The following HIVEP3 variants were observed in gnomAD, a reference collection of about 807,000 sequenced individuals.
The protein encoded by HIVEP3 is transcription factor HIVEP3.
A neutral mutation model predicts 152.8 loss-of-function variants in HIVEP3; 49 were observed. The observed-to-expected ratio is 0.32, with a 90% CI of 0.26 to 0.41. The LOEUF (loss-of-function observed/expected upper bound fraction) is 0.41, where lower values mean the gene tolerates loss of function less well. HIVEP3 is among the 10% of genes least tolerant of loss of function. The pLI, the probability that HIVEP3 is intolerant of heterozygous loss-of-function variation, is 1.00. For missense variants in HIVEP3, 2,790 were observed against 3,103.3 expected (o/e 0.90, Z 2.40); for synonymous variants, 1,269 against 1,289.0 (o/e 0.98, Z 0.33).
intron 1 of HIVEP3, among the ~76,000 whole-genome samples, chr1:41,803,770 T>C (rs1218330153): frequency 2.0e-5 from 3 of 152,230 alleles, no homozygotes; most frequent in Non-Finnish European, 2.9e-5. Flanking sequence ...GCAATGTTGC[T>C]AAGGACTATG....
At chr1:41,884,495 G>C (rs1231034891) in intron 1 of HIVEP3, among the ~76,000 whole-genome samples, 1 of 152,160 alleles carries the variant, frequency 6.6e-6, no homozygotes, top group African/African-American at 2.4e-5. Flanking sequence ...AGGACGTTGG[G>C]GAATGCGGAC....
At chr1:41,769,403 C>T (rs79130354) in intron 1 of HIVEP3, among the ~76,000 whole-genome samples, 1 of 152,352 alleles carries the variant, frequency 6.6e-6, no homozygotes, top group East Asian at 1.9e-4. Flanking sequence ...GAAGAGCTGG[C>T]TGTTCTCTGC....
At chr1:41,793,206 C>T (rs1424366525) in intron 1 of HIVEP3, among the ~76,000 whole-genome samples, 1 of 152,216 alleles carries the variant, frequency 6.6e-6, no homozygotes, top group East Asian at 1.9e-4. Flanking sequence ...CTTGGAACAT[C>T]CATGCAGTCT....
chr1:41,911,413 A>G (rs543863594), intron 1 of HIVEP3, among the ~76,000 whole-genome samples: 1 of 152,366 alleles, frequency 6.6e-6, no homozygotes, highest in South Asian at 2.1e-4. Flanking sequence ...AGCTGGATAT[A>G]GAAATTGGTT....
At chr1:41,734,617 G>C (rs1277170414) in intron 1 of HIVEP3, among the ~76,000 whole-genome samples, 3 of 152,198 alleles carry the variant, frequency 2.0e-5, no homozygotes, top group Non-Finnish European at 2.9e-5. Flanking sequence ...GGGAAGGAGG[G>C]GACAGAAGCC....
intron 6 of HIVEP3, among the ~76,000 whole-genome samples, chr1:41,521,047 C>T (rs1031749262): frequency 6.6e-6 from 1 of 152,328 alleles, no homozygotes; most frequent in South Asian, 2.1e-4. Flanking sequence ...CTAGATGGAA[C>T]CTGGCAGCCT....
chr1:41,927,800 G>A (rs1050763360), intron 1 of HIVEP3, among the ~76,000 whole-genome samples: 1 of 152,036 alleles, frequency 6.6e-6, no homozygotes, highest in Non-Finnish European at 1.5e-5. Context: ...AGTGGCTCAC[G>A]CCTATAGTCC....
At chr1:41,719,881 C>G (rs1646651009) in intron 1 of HIVEP3, among the ~76,000 whole-genome samples, 1 of 152,222 alleles carries the variant, frequency 6.6e-6, no homozygotes, top group South Asian at 2.1e-4. Flanking sequence ...ACTGGCAGAG[C>G]CAGGCTAGGA....
chr1:41,920,896 G>A (rs1034570242), upstream of HIVEP3, among the ~76,000 whole-genome samples: 4 of 152,174 alleles, frequency 2.6e-5, no homozygotes, highest in Admixed American at 6.5e-5. Flanking sequence ...GGCTTAGTGT[G>A]ACTCACCATT....
chr1:41,815,130 C>T (rs191811965), intron 1 of HIVEP3, among the ~76,000 whole-genome samples: 1 of 152,320 alleles, frequency 6.6e-6, no homozygotes, highest in East Asian at 1.9e-4. Flanking sequence ...TACCTGTTAC[C>T]TGCTGACTGA....
At position 41,879,163 on chromosome 1, in the gene HIVEP3, C is replaced by T. The variant is rs147836234; in HGVS notation, c.-801+39250G>A. On this transcript the variant is annotated intron_variant, in intron 1 of 8. Transcript: ENST00000372583. ...GGCACCCTAGCGGAAAGAACACACT[C>T]TGAGATTAATCTGGCATTGCAGGGG... 9.6e-4 allele frequency among the ~76,000 whole-genome samples: 146 copies of T among 152,342 alleles called. 1 individual carries two copies. In the East Asian group the frequency reaches 0.023, roughly 24 times the overall value.
At chr1:41,515,459 A>G (rs933562089) in intron 7 of HIVEP3, among the ~76,000 whole-genome samples, 3 of 152,092 alleles carry the variant, frequency 2.0e-5, no homozygotes, top group Non-Finnish European at 4.4e-5. Flanking sequence ...GATGGGGGTG[A>G]ACTTTGTAGT....
At chr1:41,633,543 C>T (rs1168033228) in intron 2 of HIVEP3, among the ~76,000 whole-genome samples, 1 of 152,188 alleles carries the variant, frequency 6.6e-6, no homozygotes, top group African/African-American at 2.4e-5. Flanking sequence ...CTGCCTTCAA[C>T]TGCATGACTT....
At chr1:41,729,128 CA>C (rs771494840) in intron 1 of HIVEP3, among the ~76,000 whole-genome samples, 7 of 152,236 alleles carry the variant, frequency 4.6e-5, no homozygotes, top group Non-Finnish European at 7.3e-5. Context: ...CCGCCACCCT[CA>C]GGGGTTCCAT....
intron 1 of HIVEP3, among the ~76,000 whole-genome samples, chr1:41,867,709 C>T (rs1644003967): frequency 6.6e-6 from 1 of 152,234 alleles, no homozygotes. Flanking sequence ...ACCTTGTCCA[C>T]CATCTCTCCA....
At chr1:41,704,930 G>C (rs557946159) in intron 1 of HIVEP3, among the ~76,000 whole-genome samples, 43 of 152,314 alleles carry the variant, frequency 2.8e-4, no homozygotes, top group African/African-American at 9.6e-4. Flanking sequence ...GTGGGCACTG[G>C]CTCCATAGAC....
intron 1 of HIVEP3, among the ~76,000 whole-genome samples, chr1:41,743,699 C>T (rs1266631837): frequency 6.6e-6 from 1 of 152,194 alleles, no homozygotes; most frequent in Admixed American, 6.5e-5. Flanking sequence ...CTCTCTTCTC[C>T]ATGACTAGAA....
At position 41,906,546 on chromosome 1, in the gene HIVEP3, T is replaced by C. The variant is rs148235390; in HGVS notation, c.-801+11867A>G. Among the ~76,000 whole-genome samples, 442 of 152,276 alleles carry C rather than the reference T, an allele frequency of 2.9e-3. 3 individuals are homozygous for C. Among genetic ancestry groups the C allele is most frequent in the African/African-American group, 0.01 (426 of 41,564 alleles). On this transcript the variant is annotated intron_variant, in intron 1 of 8. Coordinates refer to ENST00000372583, the MANE Select transcript of HIVEP3 (RefSeq NM_024503.5). ...GGGGATGGGGGTAGGAGGGACGAAC[T>C]AAGTGTGACAGGCATGAAGAAACTT...
At chr1:42,029,122 G>C (rs934424150) in intron 1 of HIVEP3, among the ~76,000 whole-genome samples, 1 of 152,184 alleles carries the variant, frequency 6.6e-6, no homozygotes, top group Non-Finnish European at 1.5e-5. Flanking sequence ...CTTCTGTTTT[G>C]TAAAGTCAGC....
Sources: allele counts gnomAD v4.1 joint callset (sites outside exome capture counted in the v4.1 genomes callset), GRCh38; gene constraint gnomAD v4.1.1; transcripts MANE v1.5; gene names NCBI Gene and HGNC (gene_info 2026-07-23, HGNC 2026-07-21).